MORN1: variants seen among roughly 807,000 people sequenced by gnomAD.
MORN1 encodes the protein MORN repeat containing 1.
MORN1 carries 67 observed loss-of-function variants against 61.9 expected under a neutral mutation model. The ratio of observed to expected loss-of-function variants is 1.08; its 90% CI spans 0.89 to 1.33. MORN1 has a LOEUF of 1.33. Ranked by LOEUF, MORN1 falls within the 40% of genes most tolerant of loss-of-function variation. The pLI, the probability that MORN1 is intolerant of heterozygous loss-of-function variation, is 0.00. For synonymous variants in MORN1, 301 were observed against 292.0 expected (o/e 1.03, Z -0.31); for missense variants, 752 against 691.2 (o/e 1.09, Z -0.99).
intron 13 of MORN1, chr1:2,323,050 A>G: frequency 4.1e-6 from 4 of 985,420 alleles, no homozygotes; most frequent in Non-Finnish European, 4.8e-6. Flanking sequence ...CCGAGCACAT[A>G]AACCCTGGCC....
rs150033759 is a variant in MORN1, at chr1:2,372,524, C to T, written c.702G>A (p.Ser234=). ...VMEVAQGSPF[S]VNVQLLQDHG... ...GGTCCTGCAGCAGCTGAACGTTCAC[C>T]GAGAAGGGAGACCCTTGGGCCACTT... is the stretch of plus-strand genomic sequence containing the variant. Residue 234 remains serine, a synonymous_variant, in exon 8 of 14, where the codon TCG becomes TCA. Transcript: ENST00000378531. This position sits in a 1 kb window ranked among gnomAD's most constrained non-coding sequence, Gnocchi z 5.4. 6.8e-6 allele frequency: 11 copies of T among 1,614,018 alleles called. No individual in the cohort carries two copies. Among genetic ancestry groups the T allele is most frequent in the South Asian group, 6.6e-5 (6 of 91,040 alleles).
intron 6 of MORN1, chr1:2,379,116 C>T (rs1297004057): frequency 1.3e-5 from 6 of 471,148 alleles, no homozygotes; most frequent in Admixed American, 7.0e-5. Flanking sequence ...CACCTGCTGT[C>T]GAGAGGGAGA....
Position 2,361,278 on chromosome 1 carries a change from C to T in MORN1, c.746-2563G>A, listed in dbSNP as rs1451147831. On this transcript the variant is annotated intron_variant, in intron 8 of 13. Transcript: ENST00000378531. ...GAAGATATAAACAAGAACAAAGAGC[C>T]GGGCGCAGTGACTCACACCCGTAAT... 5.3e-5 allele frequency among the ~76,000 whole-genome samples: 8 copies of T among 151,998 alleles called. No individual in the cohort carries two copies. The East Asian group carries it at 1.2e-3, about 22-fold the overall frequency.
intron 12 of MORN1, among the ~76,000 whole-genome samples, chr1:2,329,499 G>C (rs1569916820): frequency 1.3e-5 from 2 of 152,288 alleles, no homozygotes; most frequent in South Asian, 2.1e-4. Context: ...TGGGGGCCCA[G>C]CCCCCCGCCT....
chr1:2,348,675 C>A (rs1165851083), intron 10 of MORN1, among the ~76,000 whole-genome samples: 2 of 142,096 alleles, frequency 1.4e-5, no homozygotes, highest in Non-Finnish European at 3.1e-5. Context: ...ACACGCACAC[C>A]TGCGCAGGCA....
At chr1:2,341,937 G>C (rs1211151570) in intron 10 of MORN1, among the ~76,000 whole-genome samples, 1 of 152,214 alleles carries the variant, frequency 6.6e-6, no homozygotes, top group Non-Finnish European at 1.5e-5. Context: ...GGGCTCCACG[G>C]GCCCCAGAGG....
chr1:2,338,731 A>G (rs56298931), intron 10 of MORN1, among the ~76,000 whole-genome samples: 3,851 of 152,292 alleles, frequency 0.025, 73 homozygotes, highest in Middle Eastern at 0.044. Context: ...TGGAGCCTGG[A>G]GGGTGTCTGC....
chr1:2,379,057 C>T, intron 6 of MORN1: 1 of 471,116 alleles, frequency 2.1e-6, no homozygotes, highest in Non-Finnish European at 4.4e-6. Flanking sequence ...TAGAGCTTTG[C>T]ATTAAGGAAT....
chr1:2,348,206 A>T (rs1188539027), intron 10 of MORN1, among the ~76,000 whole-genome samples: 3 of 152,206 alleles, frequency 2.0e-5, no homozygotes, highest in African/African-American at 7.2e-5. Context: ...CCTTTCAGGG[A>T]AGGTTCCCCC....
At chr1:2,345,767 G>C (rs1284388839) in intron 10 of MORN1, among the ~76,000 whole-genome samples, 1 of 152,250 alleles carries the variant, frequency 6.6e-6, no homozygotes, top group East Asian at 1.9e-4. Context: ...CGCCAGCAGA[G>C]TCACTGTTCA....
At chr1:2,390,957 A>G (rs1009696395) in intron 1 of MORN1, among the ~76,000 whole-genome samples, 1 of 152,164 alleles carries the variant, frequency 6.6e-6, no homozygotes, top group South Asian at 2.1e-4. Context: ...TGTTGGCCAC[A>G]CTGGTCTCGA....
chr1:2,384,196 A>AGGG (rs1642435083), intron 6 of MORN1, among the ~76,000 whole-genome samples: 3 of 152,098 alleles, frequency 2.0e-5, no homozygotes, highest in Admixed American at 2.0e-4. Context: ...GTCCTGAACC[A>AGGG]GGCCCCACTG....
At chr1:2,322,513 G>A (rs965778308) in intron 13 of MORN1, 8 of 985,208 alleles carry the variant, frequency 8.1e-6, no homozygotes, top group Non-Finnish European at 7.2e-6. Context: ...AGCAAGCCTC[G>A]GGGGCCGGGA....
chr1:2,323,597 G>A (rs886966929), intron 13 of MORN1: 1 of 985,182 alleles, frequency 1.0e-6, no homozygotes, highest in Non-Finnish European at 1.2e-6. Flanking sequence ...CCACGGCTGA[G>A]GGTCTGCACC....
At position 2,321,327 on chromosome 1, in the gene MORN1, C is replaced by G; in HGVS notation, c.*56G>C. The G allele has an allele frequency of 7.9e-7, 1 of 1,268,848 alleles. No individual in the cohort carries two copies. Among genetic ancestry groups the G allele is most frequent in the Non-Finnish European group, 1.1e-6 (1 of 943,118 alleles). The allele number at this position is 1,268,848 out of a possible 1,614,324, so 78.6% of individuals were successfully genotyped here. A position where few individuals can be genotyped will look rare whatever the true frequency, so the allele number is the denominator to read the frequency against. ...GAATCGGGGAGCAGAGTCACGCAAG[C>G]AGAGGCAGCGTTTCCTTCCATTCAC... On this transcript the variant is annotated 3_prime_UTR_variant, in exon 14 of 14. Coordinates refer to ENST00000378531, the MANE Select transcript of MORN1 (RefSeq NM_024848.3).
chr1:2,335,510 G>C (rs775445215), intron 12 of MORN1, among the ~76,000 whole-genome samples: 19 of 152,180 alleles, frequency 1.2e-4, no homozygotes, highest in Non-Finnish European at 2.2e-4. Flanking sequence ...CAGGGGTCTG[G>C]TTCTCCACCC....
chr1:2,332,962 C>T (rs576459321), intron 12 of MORN1, among the ~76,000 whole-genome samples: 11 of 152,302 alleles, frequency 7.2e-5, no homozygotes, highest in African/African-American at 9.6e-5. Context: ...AGGATGCCTC[C>T]GAGCCTTCAC....
intron 12 of MORN1, among the ~76,000 whole-genome samples, chr1:2,329,352 AC>A (rs1424903391): frequency 6.6e-6 from 1 of 152,150 alleles, no homozygotes; most frequent in Non-Finnish European, 1.5e-5. Context: ...CTAAAGAAGA[AC>A]CCAGTCAATC....
At position 2,354,689 on chromosome 1, in the gene MORN1, G is replaced by A. The variant is rs114386841; in HGVS notation, c.1036+2743C>T. On this transcript the variant is annotated intron_variant, in intron 10 of 13. Coordinates refer to ENST00000378531, the MANE Select transcript of MORN1 (RefSeq NM_024848.3). Reference sequence around the variant, plus strand: ...GCCCCCTGCACAGGCCTGGGTGGAGGCCAGCATGCGCACTCAGTCATCCGT... The same window carrying A: ...GCCCCCTGCACAGGCCTGGGTGGAGACCAGCATGCGCACTCAGTCATCCGT... 6.5e-3 allele frequency among the ~76,000 whole-genome samples: 991 copies of A among 152,322 alleles called. 14 individuals are homozygous for A. The highest frequency in any genetic ancestry group is 0.022 in the African/African-American group (898 of 41,568).
Sources: gnomAD v4.1 joint callset for allele counts (sites outside exome capture counted in the v4.1 genomes callset) on GRCh38, gnomAD v4.1.1 for gene constraint, Gnocchi (gnomAD v3.1) non-coding constraint, MANE v1.5 for transcripts, NCBI Gene and HGNC (gene_info 2026-07-23, HGNC 2026-07-21) for gene names.